Variants in ELOVL2 observed in about 807,000 individuals in gnomAD.
The protein encoded by ELOVL2 is ELOVL fatty acid elongase 2.
A neutral mutation model predicts 37.7 loss-of-function variants in ELOVL2; 38 were observed. The ratio of observed to expected loss-of-function variants is 1.01; its 90% CI spans 0.78 to 1.32. The LOEUF (loss-of-function observed/expected upper bound fraction) is 1.32. ELOVL2 is among the 40% of genes most tolerant of loss of function. The pLI, the probability that ELOVL2 is intolerant of heterozygous loss-of-function variation, is 0.00. For synonymous variants in ELOVL2, 115 were observed against 122.3 expected (o/e 0.94, Z 0.40); for missense variants, 352 against 363.6 (o/e 0.97, Z 0.26).
At chr6:10,990,833 AAGAC>A (rs755324508) in intron 5 of ELOVL2, among the ~76,000 whole-genome samples, 1 of 152,240 alleles carries the variant, frequency 6.6e-6, no homozygotes, top group Non-Finnish European at 1.5e-5. Context: ...AACCTTTGAT[AAGAC>A]ATATTGACAA....
intron 1 of ELOVL2, chr6:11,043,973 G>A (rs1783161988): frequency 6.1e-6 from 2 of 326,264 alleles, no homozygotes; most frequent in Non-Finnish European, 1.1e-5. Context: ...GTGCCGGGGC[G>A]GGACCGGGGA....
chr6:11,000,284 T>C lies in ELOVL2; in HGVS notation c.256-120A>G, dbSNP rs1150555. The C allele has an allele frequency of 9.5e-3, 8,657 of 910,116 alleles. 231 individuals carry two copies. Among genetic ancestry groups the C allele is most frequent in the African/African-American group, 0.071 (4,307 of 61,082 alleles). The allele number at this position is 910,116 out of a possible 1,614,324, so 56.4% of individuals were successfully genotyped here. On this transcript the variant is annotated intron_variant, in intron 3 of 7. Coordinates refer to ENST00000354666, the MANE Select transcript of ELOVL2 (RefSeq NM_017770.4). ...AGGTTTGAGTAGGAATTTCCCAGAA[T>C]TTGAGTTTGTCTCAATCCTATCCTC...
At chr6:11,014,171 C>A (rs1007733566) in intron 1 of ELOVL2, among the ~76,000 whole-genome samples, 4 of 152,174 alleles carry the variant, frequency 2.6e-5, no homozygotes, top group African/African-American at 9.7e-5. Context: ...AATGGTACAA[C>A]CACTTTGCAA....
intron 1 of ELOVL2, among the ~76,000 whole-genome samples, chr6:11,032,930 G>C (rs1782953494): frequency 6.6e-6 from 1 of 152,126 alleles, no homozygotes; most frequent in Admixed American, 6.5e-5. Context: ...AAGTTCCTCT[G>C]GAGTTGATCA....
chr6:11,001,244 C>T (rs1211632350), intron 3 of ELOVL2, among the ~76,000 whole-genome samples: 1 of 152,208 alleles, frequency 6.6e-6, no homozygotes, highest in Non-Finnish European at 1.5e-5. Context: ...TGATATACCT[C>T]TCTTTCCTTC....
chr6:11,001,375 C>G (rs567472631), intron 3 of ELOVL2, among the ~76,000 whole-genome samples: 1 of 152,244 alleles, frequency 6.6e-6, no homozygotes, highest in Admixed American at 6.5e-5. Flanking sequence ...AGGTCATTTC[C>G]CAGTATCTCC....
intron 7 of ELOVL2, 44 bp downstream of exon 7, chr6:10,989,659 C>T (rs1447277102): frequency 6.3e-7 from 1 of 1,579,806 alleles, no homozygotes; most frequent in Non-Finnish European, 8.6e-7. Flanking sequence ...AAAAATAGTG[C>T]CAATCGATTA....
At chr6:10,988,366 A>G (rs1782086053) in intron 7 of ELOVL2, among the ~76,000 whole-genome samples, 1 of 152,206 alleles carries the variant, frequency 6.6e-6, no homozygotes, top group Non-Finnish European at 1.5e-5. Context: ...GGAGTTCAAG[A>G]CCAGCCTGAA....
intron 1 of ELOVL2, among the ~76,000 whole-genome samples, chr6:11,038,292 T>C (rs1185001403): frequency 6.6e-6 from 1 of 152,206 alleles, no homozygotes; most frequent in Non-Finnish European, 1.5e-5. Flanking sequence ...ATTTAAGTTA[T>C]GCTAACTAAA....
chr6:11,005,667 C>T (rs1394996179), intron 2 of ELOVL2, 108 bp from the exon 3 acceptor site: 4 of 885,964 alleles, frequency 4.5e-6, no homozygotes, highest in Non-Finnish European at 5.1e-6. Flanking sequence ...CAGGGAACAA[C>T]TCCATACAAC....
At chr6:10,998,575 T>C (rs1384460322) in intron 4 of ELOVL2, among the ~76,000 whole-genome samples, 1 of 152,236 alleles carries the variant, frequency 6.6e-6, no homozygotes, top group African/African-American at 2.4e-5. Flanking sequence ...GTCAGTATTC[T>C]TTTTGATGTT....
chr6:10,991,911 G>C (rs1309377393), intron 5 of ELOVL2, among the ~76,000 whole-genome samples: 1 of 152,154 alleles, frequency 6.6e-6, no homozygotes, highest in East Asian at 1.9e-4. Flanking sequence ...TCAAAAAATT[G>C]AAAGTCTGCT....
At chr6:11,003,007 A>G (rs1171774282) in intron 3 of ELOVL2, among the ~76,000 whole-genome samples, 1 of 152,236 alleles carries the variant, frequency 6.6e-6, no homozygotes, top group Non-Finnish European at 1.5e-5. Context: ...CTGCTGTAAA[A>G]TTACACAGAA....
At chr6:11,041,066 A>T (rs1002525175) in intron 1 of ELOVL2, among the ~76,000 whole-genome samples, 6 of 152,246 alleles carry the variant, frequency 3.9e-5, no homozygotes, top group Admixed American at 1.3e-4. Context: ...CAAATGCGTG[A>T]ATCTGTAACT....
intron 1 of ELOVL2, among the ~76,000 whole-genome samples, chr6:11,035,875 G>A (rs1412023980): frequency 1.3e-5 from 2 of 152,158 alleles, no homozygotes; most frequent in Non-Finnish European, 2.9e-5. Context: ...CTTACACACT[G>A]CCTCTAATTG....
intron 1 of ELOVL2, among the ~76,000 whole-genome samples, chr6:11,028,563 C>T (rs1581879511): frequency 6.6e-6 from 1 of 151,252 alleles, no homozygotes; most frequent in South Asian, 2.1e-4. Context: ...AGCTACCCCA[C>T]AGCAGCCATG....
intron 1 of ELOVL2, among the ~76,000 whole-genome samples, chr6:11,014,233 A>T (rs1331952123): frequency 1.3e-5 from 2 of 152,222 alleles, no homozygotes; most frequent in African/African-American, 4.8e-5. Flanking sequence ...CATATGATCC[A>T]GTTTTCCACC....
intron 1 of ELOVL2, among the ~76,000 whole-genome samples, chr6:11,029,316 C>T (rs1261914814): frequency 6.7e-6 from 1 of 150,072 alleles, no homozygotes; most frequent in Non-Finnish European, 1.5e-5. Context: ...AGTTTTGGCT[C>T]TGACACTAAG....
chr6:11,013,252 G>A (rs906203175), intron 1 of ELOVL2, among the ~76,000 whole-genome samples: 1 of 152,198 alleles, frequency 6.6e-6, no homozygotes, highest in Admixed American at 6.5e-5. Context: ...AGTTAGTAAG[G>A]AAGTAGTCTA....
Sources: gnomAD v4.1 joint callset for allele counts (sites outside exome capture counted in the v4.1 genomes callset) on GRCh38, gnomAD v4.1.1 for gene constraint, MANE v1.5 for transcripts, NCBI Gene and HGNC (gene_info 2026-07-23, HGNC 2026-07-21) for gene names.